The following JCAD variants were observed in gnomAD, a reference collection of about 807,000 sequenced individuals.
JCAD encodes the protein junctional cadherin 5 associated.
A neutral mutation model predicts 98.0 loss-of-function variants in JCAD; 40 were observed. That is an observed-to-expected ratio of 0.41 (90% CI 0.32 to 0.53). The LOEUF (loss-of-function observed/expected upper bound fraction) is 0.53. Ranked by LOEUF, JCAD falls within the 20% of genes least tolerant of loss-of-function variation. JCAD has a pLI of 0.31. For synonymous variants in JCAD, 691 were observed against 682.3 expected (o/e 1.01, Z -0.20); for missense variants, 1,705 against 1,738.1 (o/e 0.98, Z 0.34).
chr10:30,097,765 A>AAAAT (rs903288547), intron 1 of JCAD, among the ~76,000 whole-genome samples: 10 of 152,156 alleles, frequency 6.6e-5, no homozygotes, highest in South Asian at 2.1e-4. Context: ...TCCGTCTCAA[A>AAAAT]AAATAAATAA....
intron 1 of JCAD, among the ~76,000 whole-genome samples, chr10:30,087,401 T>C (rs1321446225): frequency 6.6e-6 from 1 of 152,090 alleles, no homozygotes; most frequent in Non-Finnish European, 1.5e-5. Context: ...ATCATGCCAT[T>C]GCACTCCGGC....
At chr10:30,094,405 A>G (rs2132700428) in intron 1 of JCAD, among the ~76,000 whole-genome samples, 2 of 152,240 alleles carry the variant, frequency 1.3e-5, no homozygotes, top group South Asian at 4.2e-4. Flanking sequence ...AGCCAAGATC[A>G]TGCCATTGCA....
At chr10:30,070,563 A>G (rs1200591731) in intron 1 of JCAD, among the ~76,000 whole-genome samples, 1 of 152,214 alleles carries the variant, frequency 6.6e-6, no homozygotes, top group Non-Finnish European at 1.5e-5. Flanking sequence ...AGTCTTCCAT[A>G]TAGTTCTGGA....
chr10:30,054,209 C>CATA (rs1837523711), intron 1 of JCAD, among the ~76,000 whole-genome samples: 1 of 152,144 alleles, frequency 6.6e-6, no homozygotes, highest in African/African-American at 2.4e-5. Context: ...GATTCAATGT[C>CATA]ATACCAAATT....
At chr10:30,092,064 A>AAAAAAAAT (rs1554802503) in intron 1 of JCAD, among the ~76,000 whole-genome samples, 1 of 19,026 alleles carries the variant, frequency 5.3e-5, no homozygotes, top group Non-Finnish European at 8.3e-5. Context: ...AAAAAAAAAA[A>AAAAAAAAT]ATATATATAT....
chr10:30,027,712 A>T lies in JCAD; in HGVS notation c.2436T>A (p.Ser812Arg). ...GGAGAAACTGCCCAAAGAGTTGTTT[A>T]CTGTTGCAAGGGCCCGTGGGCTCCC... ...VKGEPTGPCN[S>R]KQLFGQFLLK... is the part of the protein sequence containing the mutation. The change falls in exon 3 of 4, where the codon AGT (serine) becomes AGA (arginine). Residue 812 changes from serine to arginine, a missense_variant. By Grantham distance (110) the Ser-to-Arg change is moderately radical (BLOSUM62 -1). Transcript: ENST00000375377. The T allele has an allele frequency of 6.2e-7, 1 of 1,614,200 alleles. No individual in the cohort carries two copies. Among genetic ancestry groups the T allele is most frequent in the Non-Finnish European group, 8.5e-7 (1 of 1,180,042 alleles).
At chr10:30,025,531 T>TGGGAA (rs1302608729) in intron 3 of JCAD, among the ~76,000 whole-genome samples, 2 of 22,262 alleles carry the variant, frequency 9.0e-5, no homozygotes, top group Non-Finnish European at 1.5e-4. Context: ...AAGAAAAAAA[T>TGGGAA]GGGAAGGGGA....
At chr10:30,052,708 G>A (rs1837494710) in intron 1 of JCAD, among the ~76,000 whole-genome samples, 1 of 152,122 alleles carries the variant, frequency 6.6e-6, no homozygotes, top group African/African-American at 2.4e-5. Context: ...GAAGTGCCAG[G>A]CACTGGGCTG....
chr10:30,039,984 G>A (rs1837208694), intron 2 of JCAD, among the ~76,000 whole-genome samples: 1 of 152,106 alleles, frequency 6.6e-6, no homozygotes. Flanking sequence ...TGTTTCATTT[G>A]GTATTAACTC....
At chr10:30,087,643 T>C (rs796677774) in intron 1 of JCAD, among the ~76,000 whole-genome samples, 2 of 152,164 alleles carry the variant, frequency 1.3e-5, no homozygotes, top group Admixed American at 6.6e-5. Flanking sequence ...GACATGGTAT[T>C]AACAAGCCCA....
Position 30,047,572 on chromosome 10 carries a change from C to T in JCAD, c.241G>A (p.Glu81Lys). The change falls in exon 2 of 4, where the codon GAG becomes AAG. Residue 81 changes from glutamate to lysine, a missense_variant. Transcript: ENST00000375377. Reference sequence around the variant, plus strand: ...CTGGAAGCAGAAGTGCTCTGGGGCTCCCCGTGGCCTCTCGGTGTGCTGCGG... The same window carrying T: ...CTGGAAGCAGAAGTGCTCTGGGGCTTCCCGTGGCCTCTCGGTGTGCTGCGG... ...SRRSTPRGHG[E>K]PQSTSASRTS... 6.2e-7 allele frequency: 1 copy of T among 1,614,040 alleles called. No individual in the cohort carries two copies. The highest frequency in any genetic ancestry group is 8.5e-7 in the Non-Finnish European group (1 of 1,180,002).
intron 2 of JCAD, 64 bp downstream of exon 2, chr10:30,047,468 T>C (rs1348456550): frequency 1.9e-6 from 3 of 1,539,000 alleles, no homozygotes; most frequent in Non-Finnish European, 2.6e-6. Context: ...AGAGTTTACC[T>C]ACACATCACC....
At chr10:30,112,697 C>A (rs978477565) in intron 1 of JCAD, among the ~76,000 whole-genome samples, 2 of 151,794 alleles carry the variant, frequency 1.3e-5, no homozygotes, top group Non-Finnish European at 2.9e-5. Context: ...CATGATGAAA[C>A]CCCATCTCTA....
intron 3 of JCAD, among the ~76,000 whole-genome samples, chr10:30,018,234 T>C (rs1836578380): frequency 6.6e-6 from 1 of 152,198 alleles, no homozygotes; most frequent in Admixed American, 6.5e-5. Flanking sequence ...CTGGCAGTGA[T>C]GTGTTTGGCT....
Position 30,028,631 on chromosome 10 carries a change from CCGGGGGGCTGGCCCCACAGCCA to C in JCAD, c.1495_1516del (p.Trp499GlyfsTer24). On this transcript the variant is annotated frameshift_variant, in exon 3 of 4. Transcript: ENST00000375377. LOFTEE classifies it high-confidence loss of function. ...GGGGAGGCCACTGTTTTCCCCATCC[CCGGGGGGCTGGCCCCACAGCCA>C]CCGGGGGCTGGAATCGGCCAAGACC... The C allele has an allele frequency of 6.2e-7, 1 of 1,609,878 alleles. No individual in the cohort carries two copies. The highest frequency in any genetic ancestry group is 2.2e-5 in the East Asian group (1 of 44,824).
At chr10:30,080,018 C>T (rs556619654) in intron 1 of JCAD, among the ~76,000 whole-genome samples, 2 of 152,220 alleles carry the variant, frequency 1.3e-5, no homozygotes, top group East Asian at 1.9e-4. Context: ...AAAAAAACTC[C>T]TATAAGATAA....
chr10:30,044,478 G>A (rs768384139), intron 2 of JCAD, among the ~76,000 whole-genome samples: 3 of 152,024 alleles, frequency 2.0e-5, no homozygotes, highest in Admixed American at 6.5e-5. Context: ...TCCCAATCAC[G>A]CTGATGGCTT....
intron 1 of JCAD, among the ~76,000 whole-genome samples, chr10:30,058,572 T>A (rs1837630460): frequency 6.6e-6 from 1 of 152,224 alleles, no homozygotes. Flanking sequence ...CCAGGCGCTC[T>A]GCTTCTTGAC....
intron 1 of JCAD, among the ~76,000 whole-genome samples, chr10:30,072,345 T>C (rs1321397428): frequency 6.6e-6 from 1 of 152,240 alleles, no homozygotes; most frequent in Non-Finnish European, 1.5e-5. Flanking sequence ...CCAGATTACA[T>C]GATTTATCTT....
Sources: gnomAD v4.1 joint callset for allele counts (sites outside exome capture counted in the v4.1 genomes callset) on GRCh38, gnomAD v4.1.1 for gene constraint, MANE v1.5 for transcripts, NCBI Gene and HGNC (gene_info 2026-07-23, HGNC 2026-07-21) for gene names.